Variants in SPECC1L observed in about 807,000 individuals in gnomAD.
The protein encoded by SPECC1L is cytospin-A.
In SPECC1L, 40 loss-of-function variants were observed where a neutral mutation model predicts 116.8. That is an observed-to-expected ratio of 0.34 (90% CI 0.27 to 0.45). SPECC1L has a LOEUF of 0.45. SPECC1L is among the 20% of genes least tolerant of loss of function. The probability of loss-of-function intolerance (pLI) is 1.00; values close to 1 mark genes in which losing one functional copy is unlikely to be tolerated. For missense variants in SPECC1L, 1,110 were observed against 1,373.6 expected, an observed-to-expected ratio of 0.81 and a Z score of 3.03; for synonymous variants, 504 against 500.6, an observed-to-expected ratio of 1.01 and a Z score of -0.09.
chr22:24,344,487 C>T (rs1159263868), intron 10 of SPECC1L, among the ~76,000 whole-genome samples: 4 of 151,690 alleles, frequency 2.6e-5, no homozygotes, highest in Non-Finnish European at 5.9e-5. Flanking sequence ...AATCTGGAGA[C>T]TGAATGCTTT....
At chr22:24,414,499 T>C (rs556410904) in intron 16 of SPECC1L, 35 bp from the exon 17 acceptor site, 1 of 1,590,768 alleles carries the variant, frequency 6.3e-7, no homozygotes, top group Admixed American at 1.7e-5. Flanking sequence ...GGAGGTGACC[T>C]GCAGTTCTAA....
intron 2 of SPECC1L, among the ~76,000 whole-genome samples, chr22:24,279,383 T>G (rs2048898086): frequency 6.6e-6 from 1 of 152,118 alleles, no homozygotes. Flanking sequence ...AAAATTTGAC[T>G]TTGTTTACTT....
At chr22:24,385,303 G>GA (rs1240980348) in intron 14 of SPECC1L, among the ~76,000 whole-genome samples, 2 of 152,088 alleles carry the variant, frequency 1.3e-5, no homozygotes, top group Non-Finnish European at 2.9e-5. Context: ...AATAAGGCAG[G>GA]AAAGGAGAGA....
rs1226778459 is a variant in SPECC1L, at chr22:24,417,526, C to T, written c.*2903C>T. On this transcript the variant is annotated 3_prime_UTR_variant, in exon 17 of 17. Transcript: ENST00000314328. ...GGGTTCTGTGACAGATGCCAAGACCCCAGAGACCGTGGCAGAGCTACCCCC... is the reference window on the plus strand; with the variant it reads ...GGGTTCTGTGACAGATGCCAAGACCTCAGAGACCGTGGCAGAGCTACCCCC... The T allele has an allele frequency of 1.3e-5, 2 of 152,266 alleles. No individual in the cohort carries two copies. The highest frequency in any genetic ancestry group is 2.9e-5 in the Non-Finnish European group (2 of 68,126). The allele number at this position is 152,266 out of a possible 1,614,324, so 9.4% of individuals were successfully genotyped here.
chr22:24,347,327 A>G (rs2041317374), intron 11 of SPECC1L, 151 bp downstream of exon 11: 3 of 669,280 alleles, frequency 4.5e-6, no homozygotes, highest in Non-Finnish European at 8.1e-6. Flanking sequence ...AAGTATATCT[A>G]AATTACAAGT....
intron 9 of SPECC1L, 133 bp from the exon 10 acceptor site, chr22:24,338,253 G>T: frequency 4.7e-6 from 4 of 856,702 alleles, no homozygotes; most frequent in South Asian, 4.1e-5. Context: ...TTCAGCAGAG[G>T]CTAGACATCA....
chr22:24,290,390 C>T (rs796124116), intron 2 of SPECC1L, among the ~76,000 whole-genome samples: 1 of 152,084 alleles, frequency 6.6e-6, no homozygotes, highest in South Asian at 2.1e-4. Context: ...TAACCGATAT[C>T]GTTGATTCCT....
chr22:24,379,676 A>G (rs5760382), intron 14 of SPECC1L, among the ~76,000 whole-genome samples: 60,077 of 151,962 alleles, frequency 0.4, 12,984 homozygotes, highest in Non-Finnish European at 0.48. Flanking sequence ...TACAAACCCA[A>G]TTCTCTGCTT....
intron 3 of SPECC1L, among the ~76,000 whole-genome samples, chr22:24,309,156 C>T (rs1460676172): frequency 6.6e-6 from 1 of 152,188 alleles, no homozygotes; most frequent in Non-Finnish European, 1.5e-5. Context: ...CACACACGCA[C>T]ATATCTATGT....
At position 24,324,240 on chromosome 22, in the gene SPECC1L, C is replaced by A. The variant is rs200829994; in HGVS notation, c.1959C>A (p.Ala653=). The change falls in exon 6 of 17, where the codon GCC becomes GCA. Residue 653 remains alanine (A), a synonymous_variant. Coordinates refer to ENST00000314328, the MANE Select transcript of SPECC1L (RefSeq NM_015330.6). ...CGTAGGTAGAGGATGAATACCGAGC[C>A]TTCCAAGAAGAAGCTAAGAAACAAA... ...AIAKVEDEYR[A]FQEEAKKQIE... 6.2e-7 allele frequency: 1 copy of A among 1,613,896 alleles called. No homozygotes were observed. The highest frequency in any genetic ancestry group is 8.5e-7 in the Non-Finnish European group (1 of 1,179,956).
intron 11 of SPECC1L, among the ~76,000 whole-genome samples, chr22:24,350,489 A>G (rs566289319): frequency 6.6e-6 from 1 of 152,232 alleles, no homozygotes; most frequent in East Asian, 1.9e-4. Flanking sequence ...TTTGCTGTTC[A>G]ATTTTATTAC....
At chr22:24,292,031 G>C (rs916834142) in intron 2 of SPECC1L, among the ~76,000 whole-genome samples, 2 of 152,204 alleles carry the variant, frequency 1.3e-5, no homozygotes, top group Admixed American at 6.5e-5. Context: ...AGTAGTGACA[G>C]CAATCAAGAT....
intron 11 of SPECC1L, among the ~76,000 whole-genome samples, chr22:24,355,307 A>AAC (rs1472039861): frequency 6.6e-6 from 1 of 150,444 alleles, no homozygotes; most frequent in Non-Finnish European, 1.5e-5. Flanking sequence ...AAAAAAAGGA[A>AAC]ACCAAGATCC....
At chr22:24,390,528 A>G (rs1018492436) in intron 14 of SPECC1L, among the ~76,000 whole-genome samples, 1 of 152,214 alleles carries the variant, frequency 6.6e-6, no homozygotes, top group Non-Finnish European at 1.5e-5. Context: ...TTCATTTTAC[A>G]TTGTCACTTG....
At chr22:24,334,872 T>G (rs2041020834) in intron 9 of SPECC1L, among the ~76,000 whole-genome samples, 3 of 152,204 alleles carry the variant, frequency 2.0e-5, no homozygotes. Flanking sequence ...CCTGAGAACT[T>G]CCAGATGTAT....
In SPECC1L at chr22:24,415,841, T is replaced by C. The variant is rs2042791672; in HGVS notation, c.*1218T>C. The stretch of plus-strand genomic sequence containing the variant: ...ATGCTGTTTGAACCAAAGCCTTATT[T>C]AAAGGTGGTCACTGGAGATGCTCTC... On this transcript the variant is annotated 3_prime_UTR_variant, in exon 17 of 17. Transcript: ENST00000314328. The C allele has an allele frequency of 6.6e-6, 1 of 152,118 alleles. No individual in the cohort carries two copies. The highest frequency in any genetic ancestry group is 1.5e-5 in the Non-Finnish European group (1 of 67,988). The allele number at this position is 152,118 out of a possible 1,614,324, so 9.4% of individuals were successfully genotyped here.
intron 14 of SPECC1L, among the ~76,000 whole-genome samples, chr22:24,371,946 C>T (rs1207298881): frequency 6.6e-6 from 1 of 152,208 alleles, no homozygotes; most frequent in Non-Finnish European, 1.5e-5. Flanking sequence ...GTCTTGAATT[C>T]CTTACCTCAG....
At chr22:24,347,233 CT>C (rs2041315429) in intron 11 of SPECC1L, 57 bp downstream of exon 11, 4 of 1,347,290 alleles carry the variant, frequency 3.0e-6, no homozygotes, top group Non-Finnish European at 2.1e-6. Context: ...ATTGTTCTGG[CT>C]TTTTTGGCAA....
intron 14 of SPECC1L, 60 bp downstream of exon 14, chr22:24,369,380 G>A (rs145742996): frequency 8.0e-5 from 97 of 1,207,198 alleles, no homozygotes; most frequent in Admixed American, 3.4e-4. Context: ...CTGGAGTGTC[G>A]TAGCTTACTA....
Sources: allele counts gnomAD v4.1 joint callset (sites outside exome capture counted in the v4.1 genomes callset), GRCh38; gene constraint gnomAD v4.1.1; transcripts MANE v1.5; gene names NCBI Gene and HGNC (gene_info 2026-07-23, HGNC 2026-07-21).